Variants in FAT3 observed in about 807,000 individuals in gnomAD.
FAT3 encodes the protein FAT atypical cadherin 3.
Under a neutral mutation model 310.2 loss-of-function variants are expected in FAT3, and 95 were observed. That is an observed-to-expected ratio of 0.31 (90% CI 0.26 to 0.36). The LOEUF is 0.36. Ranked by LOEUF, FAT3 falls within the 10% of genes least tolerant of loss-of-function variation. The pLI, the probability that FAT3 is intolerant of heterozygous loss-of-function variation, is 1.00. For synonymous variants in FAT3, 2,314 were observed against 2,192.9 expected (o/e 1.06, Z -1.54); for missense variants, 5,408 against 5,715.6 (o/e 0.95, Z 1.74).
chr11:92,572,546 T>TG (rs1393998689), intron 3 of FAT3, among the ~76,000 whole-genome samples: 3 of 152,290 alleles, frequency 2.0e-5, no homozygotes, highest in African/African-American at 7.2e-5. Flanking sequence ...GCAACCTTAA[T>TG]GATAGAGTGA....
At chr11:92,270,064 T>A (rs1946081669) in intron 1 of FAT3, among the ~76,000 whole-genome samples, 1 of 152,158 alleles carries the variant, frequency 6.6e-6, no homozygotes, top group African/African-American at 2.4e-5. Context: ...TAAGGCTCTC[T>A]TTCCAGGTGA....
intron 2 of FAT3, among the ~76,000 whole-genome samples, chr11:92,368,046 T>C (rs1298391128): frequency 6.6e-6 from 1 of 152,192 alleles, no homozygotes; most frequent in Non-Finnish European, 1.5e-5. Flanking sequence ...TCAACAAATA[T>C]GACAGATACC....
At chr11:92,747,585 GGCTT>G (rs1945710145) in intron 4 of FAT3, among the ~76,000 whole-genome samples, 1 of 152,200 alleles carries the variant, frequency 6.6e-6, no homozygotes, top group African/African-American at 2.4e-5. Context: ...TTCTGCAGCT[GGCTT>G]GAATTTCTTC....
rs555223933 is a variant in FAT3, at chr11:92,872,422, A to T, written c.12127+5213A>T. Among the ~76,000 whole-genome samples the T allele has an allele frequency of 5.3e-5, 8 of 152,306 alleles. No homozygotes were observed. In the South Asian group the frequency reaches 1.0e-3, roughly 20 times the overall value. ...CTGGCTTACTGAGCTTCGAGAAGGG[A>T]GATGTCAAACTCCCAGTAAATATGC... On this transcript the variant is annotated intron_variant, in intron 22 of 27. Coordinates refer to ENST00000525166, the MANE Select transcript of FAT3 (RefSeq NM_001367949.2).
At position 92,353,552 on chromosome 11, in the gene FAT3, T is replaced by C. The variant is rs374976785; in HGVS notation, c.1440T>C (p.Tyr480=). 8 of 1,613,722 alleles carry C rather than the reference T, an allele frequency of 5.0e-6. No homozygotes were observed. Among genetic ancestry groups the C allele is most frequent in the African/African-American group, 2.7e-5 (2 of 74,950 alleles). The change falls in exon 2 of 28, where the codon TAT becomes TAC. Residue 480 remains tyrosine (Y), a synonymous_variant. Transcript: ENST00000525166. The part of the protein sequence containing the change: ...PEFQQPLYDA[Y]VNESVPVGTS... ...TTCAGCAACCACTGTATGATGCTTA[T>C]GTGAATGAAAGTGTCCCAGTGGGAA...
chr11:92,662,701 A>G (rs549174832), intron 3 of FAT3, among the ~76,000 whole-genome samples: 3 of 152,322 alleles, frequency 2.0e-5, no homozygotes, highest in African/African-American at 7.2e-5. Flanking sequence ...ATACGTAGAG[A>G]AGCCGGATGA....
chr11:92,715,629 A>G (rs1485116995), intron 4 of FAT3, among the ~76,000 whole-genome samples: 2 of 151,942 alleles, frequency 1.3e-5, no homozygotes, highest in Non-Finnish European at 2.9e-5. Context: ...AGTTACCCTA[A>G]CACAGTTGAG....
chr11:92,654,291 G>T (rs1942494154), intron 3 of FAT3, among the ~76,000 whole-genome samples: 1 of 152,096 alleles, frequency 6.6e-6, no homozygotes, highest in Admixed American at 6.6e-5. Flanking sequence ...CTAGCATCTG[G>T]AGCATCTATA....
At chr11:92,334,917 G>A (rs1477623133) in intron 1 of FAT3, among the ~76,000 whole-genome samples, 3 of 152,164 alleles carry the variant, frequency 2.0e-5, no homozygotes, top group South Asian at 2.1e-4. Flanking sequence ...ACTGCCCTGC[G>A]TGTTCACCAT....
intron 10 of FAT3, 92 bp downstream of exon 10, chr11:92,802,001 G>A: frequency 8.2e-7 from 1 of 1,222,652 alleles, no homozygotes; most frequent in Non-Finnish European, 1.1e-6. Context: ...AAGGAAGATG[G>A]GATAAGGAGT....
intron 1 of FAT3, among the ~76,000 whole-genome samples, chr11:92,255,415 A>G (rs564809337): frequency 1.6e-4 from 24 of 151,640 alleles, no homozygotes; most frequent in African/African-American, 4.8e-4. Flanking sequence ...TGTCTACCTC[A>G]TTGGATACTC....
intron 3 of FAT3, among the ~76,000 whole-genome samples, chr11:92,606,929 A>G (rs1052750811): frequency 1.4e-4 from 22 of 152,178 alleles, no homozygotes; most frequent in African/African-American, 4.8e-4. Context: ...CTGAGGGGCA[A>G]TGGTCATTAC....
In FAT3 at chr11:92,351,994, A is replaced by G. The variant is rs979613303; in HGVS notation, c.-17-102A>G. 4 of 741,094 alleles carry G rather than the reference A, an allele frequency of 5.4e-6. No homozygotes were observed. The Admixed American group carries it at 2.0e-4, about 37-fold the overall frequency. The allele number at this position is 741,094 out of a possible 1,614,324, so 45.9% of individuals were successfully genotyped here. ...GCTGTTTTAGTAAAAAGATTTTGTG[A>G]TAAAGTTTTAAAAAGCATGGCTTCC... On this transcript the variant is annotated intron_variant, in intron 1 of 27. Transcript: ENST00000525166.
Position 92,836,650 on chromosome 11 carries a change from G to C in FAT3, c.10171G>C (p.Val3391Leu). Reference protein sequence around the residue: ...VNGDRDNEFTVDPVLGLVKVK... With the variant: ...VNGDRDNEFTLDPVLGLVKVK... ...TGGAGATCGGGACAATGAATTTACT[G>C]TAGATCCTGTCTTGGGACTTGTGAA... The change falls in exon 16 of 28, where the codon GTA becomes CTA. Residue 3391 changes from valine to leucine, a missense_variant. Physicochemically the swap from Val to Leu is conservative, Grantham distance 32 (BLOSUM62 1). Coordinates refer to ENST00000525166, the MANE Select transcript of FAT3 (RefSeq NM_001367949.2). 1 of 1,613,750 alleles carries C rather than the reference G, an allele frequency of 6.2e-7. No homozygotes were observed. The highest frequency in any genetic ancestry group is 1.1e-5 in the South Asian group (1 of 91,018).
chr11:92,515,628 G>C (rs571198292), intron 2 of FAT3, among the ~76,000 whole-genome samples: 1 of 152,186 alleles, frequency 6.6e-6, no homozygotes, highest in African/African-American at 2.4e-5. Context: ...CTGGATGAGT[G>C]ATCACTGGCA....
intron 1 of FAT3, among the ~76,000 whole-genome samples, chr11:92,273,415 A>G (rs1325836422): frequency 6.6e-6 from 1 of 152,140 alleles, no homozygotes; most frequent in Non-Finnish European, 1.5e-5. Context: ...TGTAGAGGAC[A>G]TAATAAAAAA....
Position 92,836,575 on chromosome 11 carries a change from GAAGA to G in FAT3, c.10097_10100del (p.Glu3366ValfsTer2), listed in dbSNP as rs1353567902. On this transcript the variant is annotated frameshift_variant, in exon 16 of 28. Transcript: ENST00000525166. LOFTEE classifies it high-confidence loss of function. ...CTTGTTTTCCATGAAGCTAATAGCA[GAAGA>G]TGTAGACAGCCAGCCCAACGGACAG... The G allele has an allele frequency of 6.2e-7, 1 of 1,612,954 alleles. No homozygotes were observed.
At chr11:92,266,625 C>T (rs140749372) in intron 1 of FAT3, among the ~76,000 whole-genome samples, 527 of 152,276 alleles carry the variant, frequency 3.5e-3, no homozygotes, top group Middle Eastern at 0.01. Context: ...TCAGCCTTCT[C>T]AGTCTGGAGT....
At chr11:92,481,712 T>A (rs1035799499) in intron 2 of FAT3, among the ~76,000 whole-genome samples, 1 of 152,218 alleles carries the variant, frequency 6.6e-6, no homozygotes, top group East Asian at 1.9e-4. Flanking sequence ...CTTTGTGAGA[T>A]TTCAGAGCAG....
Sources: gnomAD v4.1 joint callset for allele counts (sites outside exome capture counted in the v4.1 genomes callset) on GRCh38, gnomAD v4.1.1 for gene constraint, MANE v1.5 for transcripts, NCBI Gene and HGNC (gene_info 2026-07-23, HGNC 2026-07-21) for gene names.